Variants in SGCD observed in about 807,000 individuals in gnomAD.
SGCD encodes the protein delta-sarcoglycan.
SGCD carries 18 observed loss-of-function variants against 36.6 expected under a neutral mutation model. The observed-to-expected ratio is 0.49, with a 90% CI of 0.34 to 0.73. SGCD has a LOEUF of 0.73. Ranked by LOEUF, SGCD falls within the 30% of genes least tolerant of loss-of-function variation. The probability of loss-of-function intolerance (pLI) is 0.01; values close to 1 mark genes in which losing one functional copy is unlikely to be tolerated. For synonymous variants in SGCD, 133 were observed against 130.6 expected, an observed-to-expected ratio of 1.02 and a Z score of -0.12; for missense variants, 387 against 346.7, an observed-to-expected ratio of 1.12 and a Z score of -0.92.
chr5:156,415,652 C>A (rs1561680670), intron 3 of SGCD, among the ~76,000 whole-genome samples: 1 of 152,112 alleles, frequency 6.6e-6, no homozygotes, highest in Non-Finnish European at 1.5e-5. Flanking sequence ...TAAAGTGTAG[C>A]CCAGATTAGA....
At chr5:156,036,019 AT>A (rs2127577020) in intron 1 of SGCD, among the ~76,000 whole-genome samples, 1 of 152,308 alleles carries the variant, frequency 6.6e-6, no homozygotes, top group South Asian at 2.1e-4. Flanking sequence ...TTTCACCTAT[AT>A]TATCTCATCT....
intron 6 of SGCD, among the ~76,000 whole-genome samples, chr5:156,622,815 C>T (rs932708244): frequency 3.9e-5 from 6 of 152,032 alleles, no homozygotes; most frequent in East Asian, 1.9e-4. Flanking sequence ...TAGAGTAGGA[C>T]GAAACCTATT....
At chr5:155,814,620 C>T in the SGCD span, among the ~76,000 whole-genome samples, 44 of 152,178 alleles carry the variant, frequency 2.9e-4, no homozygotes, top group Non-Finnish European at 4.1e-4. Context: ...AATAGAAGAT[C>T]GTGAGTGCAA....
At chr5:156,532,392 C>T (rs1208629806) in intron 4 of SGCD, among the ~76,000 whole-genome samples, 2 of 152,122 alleles carry the variant, frequency 1.3e-5, no homozygotes, top group African/African-American at 4.8e-5. Context: ...ATCCAAATAC[C>T]ATGTGATTAG....
intron 1 of SGCD, among the ~76,000 whole-genome samples, chr5:156,097,906 C>T (rs931812063): frequency 6.6e-6 from 1 of 152,180 alleles, no homozygotes; most frequent in Non-Finnish European, 1.5e-5. Flanking sequence ...ATTTTGTGGG[C>T]TTTGTTTCCA....
the SGCD span, among the ~76,000 whole-genome samples, chr5:155,787,634 T>C: frequency 6.6e-6 from 1 of 152,144 alleles, no homozygotes; most frequent in Non-Finnish European, 1.5e-5. Context: ...TTCCTTATTT[T>C]CTTGGCTCAT....
chr5:155,942,908 G>A (rs1757359164), intron 1 of SGCD, among the ~76,000 whole-genome samples: 1 of 152,184 alleles, frequency 6.6e-6, no homozygotes. Flanking sequence ...AGTACAATGT[G>A]TTCATAATGA....
chr5:155,808,756 CAAT>C, the SGCD span, among the ~76,000 whole-genome samples: 3 of 152,106 alleles, frequency 2.0e-5, no homozygotes, highest in African/African-American at 2.4e-5. Context: ...GTGTTTAAAA[CAAT>C]GATGATGATG....
chr5:156,477,429 G>A (rs1755230721), intron 3 of SGCD, among the ~76,000 whole-genome samples: 1 of 152,054 alleles, frequency 6.6e-6, no homozygotes, highest in African/African-American at 2.4e-5. Context: ...TAGATAATGA[G>A]GAGTCATCTG....
intron 7 of SGCD, among the ~76,000 whole-genome samples, chr5:156,702,483 A>G (rs1754565591): frequency 6.6e-6 from 1 of 152,126 alleles, no homozygotes; most frequent in African/African-American, 2.4e-5. Context: ...AGGGCGGGGA[A>G]GCGTACTGAA....
At chr5:156,105,117 C>T (rs1232864205) in intron 1 of SGCD, among the ~76,000 whole-genome samples, 1 of 152,062 alleles carries the variant, frequency 6.6e-6, no homozygotes, top group Admixed American at 6.6e-5. Context: ...GCACGTTGTG[C>T]ACATGTACCC....
rs112333225 is a variant in SGCD, at chr5:156,014,970, G to A, written c.-281-102908G>A. On this transcript the variant is annotated intron_variant, in intron 1 of 9. Transcript: ENST00000517913. ...CTGGCATCACATCTGAAGGCATGTCGTGACCATCTCCCCTTCGTAGATATT... is the reference window on the plus strand; with the variant it reads ...CTGGCATCACATCTGAAGGCATGTCATGACCATCTCCCCTTCGTAGATATT... Among the ~76,000 whole-genome samples, 357 of 152,228 alleles carry A rather than the reference G, an allele frequency of 2.3e-3. 1 individual carries two copies. The highest frequency in any genetic ancestry group is 8.0e-3 in the African/African-American group (333 of 41,544).
chr5:156,232,611 C>A (rs1464490123), intron 3 of SGCD, among the ~76,000 whole-genome samples: 1 of 152,176 alleles, frequency 6.6e-6, no homozygotes, highest in Non-Finnish European at 1.5e-5. Flanking sequence ...ATACACCATG[C>A]ATCATTAGGA....
chr5:156,706,617 T>A (rs751333515), intron 7 of SGCD, among the ~76,000 whole-genome samples: 8 of 152,150 alleles, frequency 5.3e-5, no homozygotes, highest in Non-Finnish European at 1.0e-4. Flanking sequence ...GACACTTTGC[T>A]GGCCTTTCCT....
At chr5:155,945,353 G>C (rs1419114687) in intron 1 of SGCD, among the ~76,000 whole-genome samples, 1 of 152,158 alleles carries the variant, frequency 6.6e-6, no homozygotes, top group East Asian at 1.9e-4. Flanking sequence ...AATATTTATT[G>C]AACATCAACT....
In SGCD at chr5:156,296,849, A is replaced by C. The variant is rs115574039; in HGVS notation, c.-43-32685A>C. On this transcript the variant is annotated intron_variant, in intron 3 of 9. Coordinates refer to the SGCD transcript ENST00000517913. The stretch of plus-strand genomic sequence containing the variant: ...GGTTCTGTCCATTACTGAAGTAGAA[A>C]TGTCTACTTCTCCCTTCACTGTTTT... Among the ~76,000 whole-genome samples, 605 of 152,184 alleles carry C rather than the reference A, an allele frequency of 4.0e-3. 4 individuals carry two copies. Among genetic ancestry groups the C allele is most frequent in the African/African-American group, 0.014 (583 of 41,532 alleles).
the SGCD span, among the ~76,000 whole-genome samples, chr5:155,734,358 C>T: frequency 7.9e-5 from 12 of 151,836 alleles, no homozygotes; most frequent in Non-Finnish European, 4.4e-5. Flanking sequence ...ACATGCACCA[C>T]CACGACTAGC....
At chr5:156,509,307 C>G (rs571037041) in intron 4 of SGCD, among the ~76,000 whole-genome samples, 35 of 152,222 alleles carry the variant, frequency 2.3e-4, no homozygotes, top group Admixed American at 3.3e-4. Flanking sequence ...CACCTGTAAT[C>G]TTAGCTACTA....
chr5:156,699,306 CTG>C (rs1413263061), intron 7 of SGCD, among the ~76,000 whole-genome samples: 3 of 152,128 alleles, frequency 2.0e-5, no homozygotes, highest in African/African-American at 4.8e-5. Flanking sequence ...GAGGTCCTGT[CTG>C]TGCCTCTGAG....
Sources: allele counts gnomAD v4.1 joint callset (sites outside exome capture counted in the v4.1 genomes callset), GRCh38; gene constraint gnomAD v4.1.1; transcripts MANE v1.5; gene names NCBI Gene and HGNC (gene_info 2026-07-23, HGNC 2026-07-21).